SNTG1: variants seen among roughly 807,000 people sequenced by gnomAD.
SNTG1 encodes gamma-1-syntrophin.
A neutral mutation model predicts 74.7 loss-of-function variants in SNTG1; 39 were observed. The ratio of observed to expected loss-of-function variants is 0.52; its 90% CI spans 0.40 to 0.68. The LOEUF (loss-of-function observed/expected upper bound fraction) is 0.68, where lower values mean the gene tolerates loss of function less well. SNTG1 is among the 30% of genes least tolerant of loss of function. SNTG1 has a pLI of 0.00. For missense variants in SNTG1, 685 were observed against 609.5 expected (o/e 1.12, Z -1.30); for synonymous variants, 254 against 217.1 (o/e 1.17, Z -1.49).
intron 2 of SNTG1, among the ~76,000 whole-genome samples, chr8:50,350,759 T>C (rs1398079794): frequency 6.6e-6 from 1 of 152,092 alleles, no homozygotes; most frequent in East Asian, 1.9e-4. Flanking sequence ...CTAGCTAATC[T>C]AGCAGGGATG....
At chr8:49,957,730 C>T (rs773243815) in intron 1 of SNTG1, among the ~76,000 whole-genome samples, 4 of 151,972 alleles carry the variant, frequency 2.6e-5, no homozygotes, top group Non-Finnish European at 4.4e-5. Context: ...GAGAGTTGAC[C>T]GAAAGGGGTG....
chr8:50,213,280 A>G (rs1179257214), intron 2 of SNTG1, among the ~76,000 whole-genome samples: 2 of 152,192 alleles, frequency 1.3e-5, no homozygotes, highest in African/African-American at 4.8e-5. Context: ...AATTTCTTTC[A>G]TATGGCTCCA....
At chr8:50,230,339 T>A (rs1259303076) in intron 2 of SNTG1, among the ~76,000 whole-genome samples, 1 of 150,928 alleles carries the variant, frequency 6.6e-6, no homozygotes, top group Admixed American at 6.6e-5. Context: ...AGAGAAGACA[T>A]AAATTACCAA....
At position 49,951,873 on chromosome 8, in the gene SNTG1, CAAAAAAAAA is replaced by C. The variant is rs5891338; in HGVS notation, c.-103+39665_-103+39673del. Among the ~76,000 whole-genome samples the C allele has an allele frequency of 8.2e-4, 46 of 56,298 alleles. No homozygotes were observed. The East Asian group carries it at 0.012, about 14-fold the overall frequency. 36.9% of individuals were successfully genotyped at this position (56,298 alleles called of 152,430 possible). A position where few individuals can be genotyped will look rare whatever the true frequency, so the allele number is the denominator to read the frequency against. ...AACAGAAGGAAATCTGGAAAATTCA[CAAAAAAAAA>C]AAAAAAAAAAAAAAAAAAAAAAGAA... On this transcript the variant is annotated intron_variant, in intron 1 of 18. Coordinates refer to ENST00000642720, the MANE Select transcript of SNTG1 (RefSeq NM_018967.5).
intron 4 of SNTG1, among the ~76,000 whole-genome samples, chr8:50,425,767 G>T (rs184103079): frequency 6.6e-6 from 1 of 152,044 alleles, no homozygotes. Flanking sequence ...ATGAAAGAAA[G>T]GTCAATCTGA....
intron 1 of SNTG1, among the ~76,000 whole-genome samples, chr8:50,054,509 A>C (rs527939688): frequency 6.6e-6 from 1 of 151,538 alleles, no homozygotes; most frequent in African/African-American, 2.4e-5. Context: ...CAAACCATAA[A>C]CTCTTTCCAT....
chr8:50,114,130 A>G (rs964852772), intron 1 of SNTG1, among the ~76,000 whole-genome samples: 11 of 152,150 alleles, frequency 7.2e-5, no homozygotes, highest in Non-Finnish European at 1.6e-4. Flanking sequence ...ATAATACTAT[A>G]TCACATAAGA....
chr8:50,026,545 C>T (rs1390986265), intron 1 of SNTG1, among the ~76,000 whole-genome samples: 2 of 152,106 alleles, frequency 1.3e-5, no homozygotes, highest in Non-Finnish European at 2.9e-5. Context: ...ATCACAAATA[C>T]AAAATGTTGC....
chr8:50,092,975 G>A (rs1376901657), intron 1 of SNTG1, among the ~76,000 whole-genome samples: 1 of 152,074 alleles, frequency 6.6e-6, no homozygotes, highest in East Asian at 1.9e-4. Flanking sequence ...TGTGGCTGGT[G>A]GTAAGACACC....
At chr8:50,135,186 C>T (rs16914320) in intron 1 of SNTG1, among the ~76,000 whole-genome samples, 148 of 152,166 alleles carry the variant, frequency 9.7e-4, no homozygotes, top group Middle Eastern at 3.4e-3. Context: ...TTGATCTTCA[C>T]GGCTATTCAT....
intron 2 of SNTG1, among the ~76,000 whole-genome samples, chr8:50,248,414 C>G (rs1049605325): frequency 6.6e-6 from 1 of 152,152 alleles, no homozygotes; most frequent in Non-Finnish European, 1.5e-5. Flanking sequence ...CAAACATGTT[C>G]TTATACATCT....
chr8:50,330,597 G>A (rs2090925010), intron 2 of SNTG1, among the ~76,000 whole-genome samples: 1 of 152,052 alleles, frequency 6.6e-6, no homozygotes, highest in Non-Finnish European at 1.5e-5. Flanking sequence ...CACTATCCCA[G>A]TACCAATTTA....
intron 18 of SNTG1, among the ~76,000 whole-genome samples, chr8:50,757,599 C>T (rs1185680264): frequency 6.6e-6 from 1 of 151,804 alleles, no homozygotes; most frequent in Admixed American, 6.6e-5. Flanking sequence ...GATAACATAT[C>T]ATTTGGTCTT....
At chr8:50,154,167 T>C (rs561724194) in intron 1 of SNTG1, among the ~76,000 whole-genome samples, 1 of 152,112 alleles carries the variant, frequency 6.6e-6, no homozygotes, top group African/African-American at 2.4e-5. Context: ...GTGCTACCAG[T>C]AGGGGCAGAC....
intron 17 of SNTG1, among the ~76,000 whole-genome samples, chr8:50,738,035 G>A (rs922762687): frequency 6.6e-6 from 1 of 151,926 alleles, no homozygotes; most frequent in African/African-American, 2.4e-5. Flanking sequence ...TCCAATTCAA[G>A]ATAGTATTGG....
At chr8:50,509,381 A>T (rs1769673746) in intron 9 of SNTG1, among the ~76,000 whole-genome samples, 1 of 152,142 alleles carries the variant, frequency 6.6e-6, no homozygotes, top group Admixed American at 6.6e-5. Context: ...TTGGCTTAGG[A>T]TTGACTTGGC....
intron 2 of SNTG1, among the ~76,000 whole-genome samples, chr8:50,273,642 A>C (rs1163357542): frequency 2.0e-5 from 3 of 152,198 alleles, no homozygotes; most frequent in Non-Finnish European, 4.4e-5. Flanking sequence ...AAACAGAATG[A>C]TCAGTGTAGG....
chr8:50,447,289 T>C (rs1004753104), intron 5 of SNTG1, among the ~76,000 whole-genome samples: 8 of 152,138 alleles, frequency 5.3e-5, no homozygotes, highest in Admixed American at 2.0e-4. Flanking sequence ...AGTAGCAGAA[T>C]AAGAGAAAAG....
chr8:50,287,305 T>C (rs1335868559), intron 2 of SNTG1, among the ~76,000 whole-genome samples: 1 of 152,212 alleles, frequency 6.6e-6, no homozygotes, highest in Non-Finnish European at 1.5e-5. Flanking sequence ...GTAGTTGTCA[T>C]ATTTTTCTTC....
Sources: allele counts gnomAD v4.1 joint callset (sites outside exome capture counted in the v4.1 genomes callset), GRCh38; gene constraint gnomAD v4.1.1; transcripts MANE v1.5; gene names NCBI Gene and HGNC (gene_info 2026-07-23, HGNC 2026-07-21).